Variants in CSMD1 observed in about 807,000 individuals in gnomAD.
The protein encoded by CSMD1 is CUB and Sushi multiple domains 1, also known as CUB and sushi domain-containing protein 1.
In CSMD1, 213 loss-of-function variants were observed where a neutral mutation model predicts 417.5. That is an observed-to-expected ratio of 0.51 (90% CI 0.46 to 0.57). CSMD1 has a LOEUF of 0.57. Among genes scored for constraint, CSMD1 ranks in the 20% least tolerant of loss-of-function variants. CSMD1 has a pLI of 0.00. For synonymous variants in CSMD1, 2,862 were observed against 1,736.8 expected, an observed-to-expected ratio of 1.65 and a Z score of -16.11; for missense variants, 6,923 against 4,529.7, an observed-to-expected ratio of 1.53 and a Z score of -15.17.
intron 1 of CSMD1, among the ~76,000 whole-genome samples, chr8:4,935,385 A>T (rs1000968422): frequency 1.3e-5 from 2 of 152,150 alleles, no homozygotes; most frequent in Non-Finnish European, 2.9e-5. Context: ...CTGCACATGC[A>T]CCTCAAAAGC....
chr8:3,231,817 A>G (rs1798857168), intron 26 of CSMD1, among the ~76,000 whole-genome samples: 1 of 152,218 alleles, frequency 6.6e-6, no homozygotes, highest in Non-Finnish European at 1.5e-5. Context: ...TGATCACTTA[A>G]GCACACTTAT....
At chr8:3,774,081 G>A (rs1012980087) in intron 5 of CSMD1, among the ~76,000 whole-genome samples, 2 of 152,132 alleles carry the variant, frequency 1.3e-5, no homozygotes, top group African/African-American at 2.4e-5. Flanking sequence ...GCTGAGTCAT[G>A]CAGCTTCTTG....
chr8:4,942,193 C>G (rs1192692369), intron 1 of CSMD1, among the ~76,000 whole-genome samples: 1 of 152,096 alleles, frequency 6.6e-6, no homozygotes, highest in Non-Finnish European at 1.5e-5. Context: ...TTGCTTCCTT[C>G]CCCCCAACAC....
chr8:4,749,645 A>G (rs1422882344), intron 1 of CSMD1, among the ~76,000 whole-genome samples: 3 of 152,250 alleles, frequency 2.0e-5, no homozygotes, highest in Non-Finnish European at 2.9e-5. Context: ...TTTCACTTTA[A>G]TAATTCCAGT....
intron 11 of CSMD1, among the ~76,000 whole-genome samples, chr8:3,471,950 C>T (rs1817129905): frequency 6.6e-6 from 1 of 152,088 alleles, no homozygotes; most frequent in Non-Finnish European, 1.5e-5. Flanking sequence ...AGTGTTTTCC[C>T]TTCTCCCTTT....
chr8:3,081,659 G>C (rs943652809), intron 49 of CSMD1, among the ~76,000 whole-genome samples: 1 of 152,168 alleles, frequency 6.6e-6, no homozygotes, highest in Non-Finnish European at 1.5e-5. Context: ...GTGAGATACT[G>C]TCAGAGTCTA....
chr8:3,783,675 G>A (rs1389414890), intron 5 of CSMD1, among the ~76,000 whole-genome samples: 1 of 152,200 alleles, frequency 6.6e-6, no homozygotes, highest in Admixed American at 6.5e-5. Context: ...CCTGCTGCTG[G>A]TTCAGCAGTC....
intron 1 of CSMD1, among the ~76,000 whole-genome samples, chr8:4,693,287 G>C (rs1415285382): frequency 6.6e-6 from 1 of 152,212 alleles, no homozygotes; most frequent in African/African-American, 2.4e-5. Context: ...GAGGTAGATA[G>C]GGAAGAAGGA....
At chr8:4,749,210 G>A (rs188946111) in intron 1 of CSMD1, among the ~76,000 whole-genome samples, 1 of 152,306 alleles carries the variant, frequency 6.6e-6, no homozygotes, top group East Asian at 1.9e-4. Flanking sequence ...TAACAAATCT[G>A]AAAACTTTTT....
chr8:3,381,040 T>A (rs1024901819), intron 18 of CSMD1, among the ~76,000 whole-genome samples: 2 of 152,140 alleles, frequency 1.3e-5, no homozygotes, highest in African/African-American at 4.8e-5. Flanking sequence ...AAATTATGTA[T>A]CTCAAATGAG....
intron 50 of CSMD1, chr8:3,043,848 A>T (rs1811266710): frequency 6.6e-6 from 1 of 152,450 alleles, no homozygotes; most frequent in African/African-American, 2.4e-5. Flanking sequence ...AAAAAATGCA[A>T]TTTGTTCTCT....
At chr8:3,558,426 C>T (rs1585363986) in intron 10 of CSMD1, among the ~76,000 whole-genome samples, 1 of 150,406 alleles carries the variant, frequency 6.6e-6, no homozygotes, top group Admixed American at 6.6e-5. Context: ...CTCAATGGTA[C>T]CCCGTGTCCA....
chr8:4,611,744 G>C (rs1409609054), intron 2 of CSMD1, among the ~76,000 whole-genome samples: 1 of 152,050 alleles, frequency 6.6e-6, no homozygotes, highest in Non-Finnish European at 1.5e-5. Flanking sequence ...ATTCTCATTT[G>C]TGAGTCATCT....
At chr8:3,386,908 C>A (rs1421126990) in intron 18 of CSMD1, among the ~76,000 whole-genome samples, 1 of 152,122 alleles carries the variant, frequency 6.6e-6, no homozygotes, top group African/African-American at 2.4e-5. Context: ...CATAGTATAA[C>A]GTTGAGCAAT....
chr8:3,924,582 T>C (rs1287165937), intron 5 of CSMD1, among the ~76,000 whole-genome samples: 1 of 152,194 alleles, frequency 6.6e-6, no homozygotes, highest in African/African-American at 2.4e-5. Flanking sequence ...TGTGACTGGA[T>C]AATTTTAAAT....
At chr8:3,203,861 G>A (rs1006001458) in intron 31 of CSMD1, among the ~76,000 whole-genome samples, 1 of 152,142 alleles carries the variant, frequency 6.6e-6, no homozygotes, top group African/African-American at 2.4e-5. Context: ...AGCCTGTGTT[G>A]ACAGACAGGG....
intron 2 of CSMD1, among the ~76,000 whole-genome samples, chr8:4,621,804 A>C (rs1219336998): frequency 6.6e-6 from 1 of 152,132 alleles, no homozygotes; most frequent in Non-Finnish European, 1.5e-5. Context: ...AAACCCAATA[A>C]TATATTTGAA....
intron 3 of CSMD1, among the ~76,000 whole-genome samples, chr8:4,125,495 G>C (rs537756885): frequency 9.8e-5 from 15 of 152,290 alleles, no homozygotes; most frequent in Non-Finnish European, 1.6e-4. Context: ...GGCCGCACTG[G>C]GTACACGTCG....
At chr8:4,387,207 C>T (rs527600953) in intron 3 of CSMD1, among the ~76,000 whole-genome samples, 1 of 152,168 alleles carries the variant, frequency 6.6e-6, no homozygotes, top group African/African-American at 2.4e-5. Flanking sequence ...GAGTGTCACT[C>T]ACTTTGTCTA....
Sources: gnomAD v4.1 joint callset for allele counts (sites outside exome capture counted in the v4.1 genomes callset) on GRCh38, gnomAD v4.1.1 for gene constraint, MANE v1.5 for transcripts, NCBI Gene and HGNC (gene_info 2026-07-23, HGNC 2026-07-21) for gene names.